S100A16: variants seen among roughly 807,000 people sequenced by gnomAD.
The protein encoded by S100A16 is S100 calcium binding protein A16, also known as protein S100-A16.
A neutral mutation model predicts 9.0 loss-of-function variants in S100A16; 8 were observed. The ratio of observed to expected loss-of-function variants is 0.89; its 90% CI spans 0.52 to 1.60. The LOEUF (loss-of-function observed/expected upper bound fraction) is 1.60, where lower values mean the gene tolerates loss of function less well. S100A16 is among the 40% of genes most tolerant of loss of function. The pLI is 0.00. For missense variants in S100A16, 138 were observed against 132.4 expected, an observed-to-expected ratio of 1.04 and a Z score of -0.21; for synonymous variants, 51 against 51.4, an observed-to-expected ratio of 0.99 and a Z score of 0.04.
intron 1 of S100A16, among the ~76,000 whole-genome samples, chr1:153,611,906 T>G (rs1320290120): frequency 1.1e-5 from 1 of 93,648 alleles, no homozygotes; most frequent in Non-Finnish European, 2.4e-5. Context: ...CTAACTCTCT[T>G]TGTCTCTCTC....
At chr1:153,612,871 A>G (rs997181277) in intron 1 of S100A16, 81 bp downstream of exon 1, 6 of 152,070 alleles carry the variant, frequency 3.9e-5, no homozygotes, top group African/African-American at 1.4e-4. Context: ...GGCCCCCTTC[A>G]CTGCCCCTTC....
chr1:153,611,240 A>T, intron 1 of S100A16, among the ~76,000 whole-genome samples: 1 of 40,374 alleles, frequency 2.5e-5, no homozygotes, highest in Non-Finnish European at 5.4e-5. Context: ...CCACCCTCCC[A>T]CCCCCAGGTT....
chr1:153,611,917 TCACACACA>T (rs55729519), intron 1 of S100A16, among the ~76,000 whole-genome samples: 3 of 140,792 alleles, frequency 2.1e-5, no homozygotes, highest in African/African-American at 5.3e-5. Context: ...TGTCTCTCTC[TCACACACA>T]CACACACACA....
intron 1 of S100A16, chr1:153,608,946 T>C: frequency 1.0e-6 from 1 of 985,868 alleles, no homozygotes; most frequent in South Asian, 4.7e-5. Context: ...AGTCGGACTC[T>C]GGACACAGCA....
At chr1:153,607,908 G>T in intron 2 of S100A16, 91 bp downstream of exon 2, 3 of 1,357,338 alleles carry the variant, frequency 2.2e-6, no homozygotes, top group East Asian at 2.3e-5. Flanking sequence ...AAGGATAGAG[G>T]CCTCAGCAGG....
At chr1:153,608,393 C>T in intron 1 of S100A16, 1 of 526,130 alleles carries the variant, frequency 1.9e-6, no homozygotes. Flanking sequence ...CCCAGCTCAA[C>T]CGCCTCAACA....
At chr1:153,609,358 C>T in intron 1 of S100A16, 2 of 986,252 alleles carry the variant, frequency 2.0e-6, no homozygotes, top group Non-Finnish European at 1.2e-6. Flanking sequence ...TGCCGGCTGC[C>T]CTGCCCTCTC....
rs1223823210 is a variant in S100A16, at chr1:153,607,681, G to T, written c.165C>A (p.Asn55Lys). The T allele has an allele frequency of 1.2e-6, 2 of 1,614,198 alleles. No individual in the cohort carries two copies. The highest frequency in any genetic ancestry group is 1.7e-6 in the Non-Finnish European group (2 of 1,180,020). The change falls in exon 3 of 3, where the codon AAC becomes AAA. Residue 55 changes from asparagine to lysine, a missense_variant. Transcript: ENST00000368706. Reference protein sequence around the residue: ...ELNHMLSDTGNRKAADKLIQN... With the variant: ...ELNHMLSDTGKRKAADKLIQN... The stretch of plus-strand genomic sequence containing the variant: ...GGATGAGCTTATCCGCAGCCTTCCG[G>T]TTCCCTGTGTCCTGGGGAGGAAGCA...
In S100A16 at chr1:153,607,475, G is replaced by A. The variant is rs1666717685; in HGVS notation, c.*59C>T. 1 of 1,604,000 alleles carries A rather than the reference G, an allele frequency of 6.2e-7. No individual in the cohort carries two copies. Among genetic ancestry groups the A allele is most frequent in the East Asian group, 2.2e-5 (1 of 44,808 alleles). On this transcript the variant is annotated 3_prime_UTR_variant, in exon 3 of 3. Coordinates refer to ENST00000368706, the MANE Select transcript of S100A16 (RefSeq NM_080388.3). ...GGCAGGAGGCTGAGGAGGGAGCCTG[G>A]GGAGAGCACCAGGGCGGGGCATCAG...
At chr1:153,611,917 T>TCTCACACACACACACACACA (rs745663701) in intron 1 of S100A16, among the ~76,000 whole-genome samples, 1 of 140,792 alleles carries the variant, frequency 7.1e-6, no homozygotes, top group Non-Finnish European at 1.5e-5. Flanking sequence ...TGTCTCTCTC[T>TCTCACACACACACACACACA]CACACACACA....
Position 153,609,396 on chromosome 1 carries a change from C to G in S100A16, c.-26-1219G>C, listed in dbSNP as rs61249620. Reference sequence around the variant, plus strand: ...GCCAGCCTGCCAATCACTCTCGCCCCGCCCAAGCCACGCCTCCGAAGGAAG... The same window carrying G: ...GCCAGCCTGCCAATCACTCTCGCCCGGCCCAAGCCACGCCTCCGAAGGAAG... On this transcript the variant is annotated intron_variant, in intron 1 of 2. Coordinates refer to ENST00000368706, the MANE Select transcript of S100A16 (RefSeq NM_080388.3). The G allele has an allele frequency of 9.7e-3, 9,523 of 983,818 alleles. 746 individuals are homozygous for G. The African/African-American group carries it at 0.15, about 16-fold the overall frequency. 60.9% of individuals were successfully genotyped at this position (983,818 alleles called of 1,614,324 possible).
chr1:153,609,291 A>G, intron 1 of S100A16: 2 of 985,840 alleles, frequency 2.0e-6, no homozygotes, highest in Non-Finnish European at 1.2e-6. Flanking sequence ...GCCCCACCAC[A>G]GCCTCCTGTC....
At chr1:153,611,406 G>T (rs1666833054) in intron 1 of S100A16, among the ~76,000 whole-genome samples, 2 of 151,788 alleles carry the variant, frequency 1.3e-5, no homozygotes, top group South Asian at 4.2e-4. Context: ...CCAAGTGTTG[G>T]GATGTGTCCC....
intron 1 of S100A16, among the ~76,000 whole-genome samples, chr1:153,612,094 G>A (rs1475762726): frequency 6.6e-6 from 1 of 151,694 alleles, no homozygotes; most frequent in Non-Finnish European, 1.5e-5. Flanking sequence ...TGTGGATCTT[G>A]CCCCCGCCTC....
At chr1:153,608,631 AGGACTGG>A (rs747224042) in intron 1 of S100A16, among the ~76,000 whole-genome samples, 17,936 of 151,976 alleles carry the variant, frequency 0.12, 1,925 homozygotes, top group African/African-American at 0.29. Context: ...TCCCACTCCC[AGGACTGG>A]CTGAGACCCC....
chr1:153,608,385 C>T (rs923274094), intron 1 of S100A16: 27 of 539,400 alleles, frequency 5.0e-5, no homozygotes, highest in Non-Finnish European at 7.6e-5. Context: ...AGGTGCTCCC[C>T]AGCTCAACCG....
At chr1:153,608,225 ACCTCCT>A in intron 1 of S100A16, 48 bp from the exon 2 acceptor site, 1 of 1,533,602 alleles carries the variant, frequency 6.5e-7, no homozygotes, top group Non-Finnish European at 8.9e-7. Context: ...CACAGGCCAT[ACCTCCT>A]CCTCCTCCAC....
intron 1 of S100A16, among the ~76,000 whole-genome samples, chr1:153,610,555 C>A (rs1666811379): frequency 6.6e-6 from 1 of 152,210 alleles, no homozygotes; most frequent in Non-Finnish European, 1.5e-5. Context: ...GATGACTCTG[C>A]CACCTGCTCC....
intron 1 of S100A16, among the ~76,000 whole-genome samples, chr1:153,609,623 A>T (rs1160020444): frequency 6.6e-6 from 1 of 152,100 alleles, no homozygotes; most frequent in Non-Finnish European, 1.5e-5. Flanking sequence ...CGGGACTCAG[A>T]CTTTAGGACA....
Sources: allele counts gnomAD v4.1 joint callset (sites outside exome capture counted in the v4.1 genomes callset), GRCh38; gene constraint gnomAD v4.1.1; transcripts MANE v1.5; gene names NCBI Gene and HGNC (gene_info 2026-07-23, HGNC 2026-07-21).